Variants in OLFML2A observed in about 807,000 individuals in gnomAD.
OLFML2A encodes the protein olfactomedin-like protein 2A.
In OLFML2A, 47 loss-of-function variants were observed where a neutral mutation model predicts 60.9. That is an observed-to-expected ratio of 0.77 (90% CI 0.61 to 0.98). The LOEUF (loss-of-function observed/expected upper bound fraction) is 0.98. OLFML2A is among the 50% of genes least tolerant of loss of function. OLFML2A has a pLI of 0.00. For missense variants in OLFML2A, 922 were observed against 879.8 expected (o/e 1.05, Z -0.61); for synonymous variants, 372 against 375.0 (o/e 0.99, Z 0.09).
rs1842084682 is a variant in OLFML2A, at chr9:124,814,837, A to G, written c.*4425A>G. 2 of 152,196 alleles carry G rather than the reference A, an allele frequency of 1.3e-5. No homozygotes were observed. The highest frequency in any genetic ancestry group is 1.3e-4 in the Admixed American group (2 of 15,278). 9.4% of individuals were successfully genotyped at this position (152,196 alleles called of 1,614,324 possible). ...GCTGAGATATCTGTTTTGCAACAAG[A>G]TGGGCTATATCTAAATAAAGACATG... is the stretch of plus-strand genomic sequence containing the variant. On this transcript the variant is annotated 3_prime_UTR_variant, in exon 8 of 8. Coordinates refer to ENST00000373580, the MANE Select transcript of OLFML2A (RefSeq NM_182487.4).
chr9:124,805,515 T>C (rs1381186773), intron 6 of OLFML2A, among the ~76,000 whole-genome samples: 3 of 152,118 alleles, frequency 2.0e-5, no homozygotes, highest in Non-Finnish European at 4.4e-5. Context: ...TACATAAAAC[T>C]GTATACTCAC....
At chr9:124,785,771 A>C (rs1365652123) in intron 1 of OLFML2A, among the ~76,000 whole-genome samples, 1 of 152,038 alleles carries the variant, frequency 6.6e-6, no homozygotes, top group Non-Finnish European at 1.5e-5. Flanking sequence ...TGGGAATTTT[A>C]TGTTTAACTT....
chr9:124,805,616 A>G (rs1415770642), intron 6 of OLFML2A, among the ~76,000 whole-genome samples: 4 of 152,076 alleles, frequency 2.6e-5, no homozygotes, highest in Non-Finnish European at 5.9e-5. Context: ...TTTGGATGGG[A>G]GAATGGTGGG....
In OLFML2A at chr9:124,814,228, T is replaced by A. The variant is rs1370668134; in HGVS notation, c.*3816T>A. 6.6e-6 allele frequency: 1 copy of A among 152,246 alleles called. No individual in the cohort carries two copies. The highest frequency in any genetic ancestry group is 2.4e-5 in the African/African-American group (1 of 41,438). 9.4% of individuals were successfully genotyped at this position (152,246 alleles called of 1,614,324 possible). Reference sequence around the variant, plus strand: ...ATGTGTTCCAAAGCGTCTTTAACTCTGGGATAGCATTGGAAGCCGCTGTCA... The same window carrying A: ...ATGTGTTCCAAAGCGTCTTTAACTCAGGGATAGCATTGGAAGCCGCTGTCA... On this transcript the variant is annotated 3_prime_UTR_variant, in exon 8 of 8. Transcript: ENST00000373580.
chr9:124,777,656 C>T lies in OLFML2A; in HGVS notation c.90+296C>T, dbSNP rs186409562. ...TCGGGGGATTTCCCCGGAGTGCTGG[C>T]CAGACTCGGGGTTCGTAGGGGAAGC... is the stretch of plus-strand genomic sequence containing the variant. On this transcript the variant is annotated intron_variant, in intron 1 of 7. Coordinates refer to ENST00000373580, the MANE Select transcript of OLFML2A (RefSeq NM_182487.4). The surrounding 1 kb of genome is among the most constrained non-coding windows in gnomAD (Gnocchi z 6.2). Among the ~76,000 whole-genome samples, 71 of 152,274 alleles carry T rather than the reference C, an allele frequency of 4.7e-4. No individual in the cohort carries two copies. The highest frequency in any genetic ancestry group is 1.7e-3 in the African/African-American group (70 of 41,554).
chr9:124,796,710 CT>C (rs1177274277), intron 3 of OLFML2A, among the ~76,000 whole-genome samples: 2 of 152,210 alleles, frequency 1.3e-5, no homozygotes, highest in Admixed American at 6.5e-5. Flanking sequence ...GGGGTCTCAG[CT>C]TCCCTCTGCT....
At chr9:124,780,508 T>C (rs894199392) in intron 1 of OLFML2A, among the ~76,000 whole-genome samples, 8 of 152,192 alleles carry the variant, frequency 5.3e-5, no homozygotes, top group Non-Finnish European at 1.2e-4. Flanking sequence ...CAGGCCAGGC[T>C]AGTCCCGGGG....
At chr9:124,790,023 C>T (rs118133215) in intron 2 of OLFML2A, among the ~76,000 whole-genome samples, 15 of 152,310 alleles carry the variant, frequency 9.8e-5, no homozygotes, top group South Asian at 2.1e-4. Flanking sequence ...CTTTCATAAA[C>T]GCTGGCTAAT....
chr9:124,807,800 G>A lies in OLFML2A; in HGVS notation c.1188G>A (p.Glu396=). The A allele has an allele frequency of 6.2e-7, 1 of 1,612,578 alleles. No homozygotes were observed. The highest frequency in any genetic ancestry group is 8.5e-7 in the Non-Finnish European group (1 of 1,179,560). The change falls in exon 7 of 8, where the codon GAG becomes GAA. Residue 396 remains glutamate (E), a synonymous_variant. Coordinates refer to ENST00000373580, the MANE Select transcript of OLFML2A (RefSeq NM_182487.4). The part of the protein sequence containing the change: ...VSSQGREASC[E]GTLRAVDPPV... ...CCACAGGCAGAGAGGCGAGCTGTGA[G>A]GGCACCCTCCGGGCTGTGGACCCCC...
Position 124,787,149 on chromosome 9 carries a change from T to G in OLFML2A, c.265T>G (p.Ser89Ala). 6.2e-7 allele frequency: 1 copy of G among 1,614,162 alleles called. No individual in the cohort carries two copies. The highest frequency in any genetic ancestry group is 8.5e-7 in the Non-Finnish European group (1 of 1,180,024). The stretch of plus-strand genomic sequence containing the variant: ...GAGCTCGGGCACTGACTGCCGCTGC[T>G]CCTGTACCGCACCTCCCTCCTCTCT... ...TVSSGTDCRC[S>A]CTAPPSSLNP... is the part of the protein sequence containing the mutation. The change falls in exon 2 of 8, where the codon TCC becomes GCC. Residue 89 changes from serine to alanine, a missense_variant. Coordinates refer to ENST00000373580, the MANE Select transcript of OLFML2A (RefSeq NM_182487.4).
chr9:124,809,832 T>C lies in OLFML2A; in HGVS notation c.1379T>C (p.Leu460Pro), dbSNP rs758686952. ...KQGRWSNMYK[L>P]PYNWIGTGHV... ...GGCCGCTGGAGTAACATGTACAAGC[T>C]ACCCTACAACTGGATCGGCACAGGC... Residue 460 changes from leucine to proline, a missense_variant, in exon 8 of 8, where the codon CTA (leucine) becomes CCA (proline). By Grantham distance (98) the Leu-to-Pro change is moderately conservative (BLOSUM62 -3). Coordinates refer to ENST00000373580, the MANE Select transcript of OLFML2A (RefSeq NM_182487.4). 1 of 1,611,500 alleles carries C rather than the reference T, an allele frequency of 6.2e-7. No individual in the cohort carries two copies. The highest frequency in any genetic ancestry group is 1.1e-5 in the South Asian group (1 of 90,798).
chr9:124,794,832 G>A (rs13286271), intron 2 of OLFML2A, among the ~76,000 whole-genome samples, 192 bp from the exon 3 acceptor site: 1 of 152,002 alleles, frequency 6.6e-6, no homozygotes, highest in African/African-American at 2.4e-5. Flanking sequence ...ATGTTGGCCA[G>A]ACTGGTCTTG....
Position 124,779,546 on chromosome 9 carries a change from G to GT in OLFML2A, c.90+2187dup, listed in dbSNP as rs1221516342. 1.1e-4 allele frequency among the ~76,000 whole-genome samples: 10 copies of GT among 88,394 alleles called. No homozygotes were observed. The highest frequency in any genetic ancestry group is 1.5e-4 in the Non-Finnish European group (7 of 47,828). 58.0% of individuals were successfully genotyped at this position (88,394 alleles called of 152,430 possible). On this transcript the variant is annotated intron_variant, in intron 1 of 7. Transcript: ENST00000373580. This position sits in a 1 kb window ranked among gnomAD's most constrained non-coding sequence, Gnocchi z 4.1. Reference sequence around the variant, plus strand: ...ACTTGCTAGGTTGTGTGTGTGTGTGGTGGGGGGGGGGTGTTTAGCTGTCCC... The same window carrying GT: ...ACTTGCTAGGTTGTGTGTGTGTGTGGTTGGGGGGGGGGTGTTTAGCTGTCCC...
chr9:124,798,550 G>C (rs1285748207), intron 3 of OLFML2A, among the ~76,000 whole-genome samples: 2 of 151,074 alleles, frequency 1.3e-5, no homozygotes, highest in Non-Finnish European at 3.0e-5. Flanking sequence ...AAGGGACTGG[G>C]CGGCTGGGTG....
At position 124,795,029 on chromosome 9, in the gene OLFML2A, G is replaced by A; in HGVS notation, c.360G>A (p.Gln120=). 2 of 1,598,062 alleles carry A rather than the reference G, an allele frequency of 1.3e-6. No individual in the cohort carries two copies. Among genetic ancestry groups the A allele is most frequent in the African/African-American group, 1.3e-5 (1 of 74,858 alleles). ...CATCCCCCTTCCCCGGGCAGCTGCA[G>A]TCCATGGTGGATCTCCTGGAGGGCA... The part of the protein sequence containing the change: ...KKQAPELLKL[Q]SMVDLLEGTL... Residue 120 remains glutamine, a synonymous_variant, in exon 3 of 8, where the codon CAG becomes CAA. Coordinates refer to ENST00000373580, the MANE Select transcript of OLFML2A (RefSeq NM_182487.4).
At position 124,814,462 on chromosome 9, in the gene OLFML2A, C is replaced by T. The variant is rs553944535; in HGVS notation, c.*4050C>T. On this transcript the variant is annotated 3_prime_UTR_variant, in exon 8 of 8. Transcript: ENST00000373580. ...CTAGAGCTTTACCCCTAATCCCCCC[C>T]CAGGAGCCCCGAGGCCGGCATTATT... The T allele has an allele frequency of 6.6e-6, 1 of 152,358 alleles. No homozygotes were observed. Among genetic ancestry groups the T allele is most frequent in the Non-Finnish European group, 1.5e-5 (1 of 68,076 alleles). 9.4% of individuals were successfully genotyped at this position (152,358 alleles called of 1,614,324 possible). A position where few individuals can be genotyped will look rare whatever the true frequency, so the allele number is the denominator to read the frequency against.
chr9:124,791,537 G>GA (rs1480244549), intron 2 of OLFML2A, among the ~76,000 whole-genome samples: 1 of 152,070 alleles, frequency 6.6e-6, no homozygotes, highest in Non-Finnish European at 1.5e-5. Flanking sequence ...AGGAGTTCAA[G>GA]ACCAGCCTGG....
At chr9:124,799,226 G>C in intron 3 of OLFML2A, 59 bp from the exon 4 acceptor site, 1 of 1,264,164 alleles carries the variant, frequency 7.9e-7, no homozygotes, top group Non-Finnish European at 1.2e-6. Context: ...TGTCCCTCCA[G>C]GCTAGGGGTT....
chr9:124,783,244 G>A (rs1841396413), intron 1 of OLFML2A, among the ~76,000 whole-genome samples: 1 of 152,156 alleles, frequency 6.6e-6, no homozygotes, highest in Non-Finnish European at 1.5e-5. Flanking sequence ...GGCCAAGGTG[G>A]GAGGATCACT....
Sources: gnomAD v4.1 joint callset for allele counts (sites outside exome capture counted in the v4.1 genomes callset) on GRCh38, gnomAD v4.1.1 for gene constraint, Gnocchi (gnomAD v3.1) non-coding constraint, MANE v1.5 for transcripts, NCBI Gene and HGNC (gene_info 2026-07-23, HGNC 2026-07-21) for gene names.